The following SRP72 variants were observed in gnomAD, a reference collection of about 807,000 sequenced individuals.
SRP72 encodes the protein signal recognition particle subunit SRP72.
Under a neutral mutation model 96.3 loss-of-function variants are expected in SRP72, and 49 were observed. The observed-to-expected ratio is 0.51, with a 90% CI of 0.40 to 0.65. SRP72 has a LOEUF of 0.65. Ranked by LOEUF, SRP72 falls within the 30% of genes least tolerant of loss-of-function variation. The pLI, the probability that SRP72 is intolerant of heterozygous loss-of-function variation, is 0.00. For synonymous variants in SRP72, 267 were observed against 275.2 expected (o/e 0.97, Z 0.30); for missense variants, 736 against 793.3 (o/e 0.93, Z 0.87).
chr4:56,481,997 C>T (rs1423373231), intron 8 of SRP72, among the ~76,000 whole-genome samples: 1 of 151,398 alleles, frequency 6.6e-6, no homozygotes, highest in African/African-American at 2.4e-5. Flanking sequence ...CTCCTGGCCT[C>T]AGGTGATCCA....
chr4:56,476,302 T>C, intron 5 of SRP72: 1 of 210,166 alleles, frequency 4.8e-6, no homozygotes, highest in South Asian at 8.1e-5. Flanking sequence ...ACAAAAAAAA[T>C]ATTAAAAAAC....
chr4:56,479,146 A>G (rs1720367528), intron 8 of SRP72, among the ~76,000 whole-genome samples: 1 of 152,042 alleles, frequency 6.6e-6, no homozygotes, highest in Admixed American at 6.6e-5. Flanking sequence ...AGAGTACTGT[A>G]CTAATGTCAT....
rs1358087809 is a variant in SRP72, at chr4:56,490,454, G to A, written c.1424+18G>A. The A allele has an allele frequency of 2.5e-6, 4 of 1,610,314 alleles. No individual in the cohort carries two copies. The highest frequency in any genetic ancestry group is 1.7e-5 in the Admixed American group (1 of 59,654). On this transcript the variant is annotated intron_variant, in intron 14 of 18. Transcript: ENST00000642900. ...CTGTGGAAGTAAGCTCTGAAACGTG[G>A]AGTTGTAGAAATAACACATTTATTG...
chr4:56,501,279 G>A (rs567098623), intron 18 of SRP72, among the ~76,000 whole-genome samples: 69 of 152,014 alleles, frequency 4.5e-4, no homozygotes, highest in African/African-American at 1.6e-3. Flanking sequence ...GTGGTAGTGC[G>A]CACCTGTAAT....
chr4:56,484,584 A>C lies in SRP72; in HGVS notation c.958-152A>C, dbSNP rs999749996. On this transcript the variant is annotated intron_variant, in intron 9 of 18. Transcript: ENST00000642900. Reference sequence around the variant, plus strand: ...ATTTTCTTACAAGAAAAAATTGAGAATAGATACTGTAAACTGATTCTCTTA... The same window carrying C: ...ATTTTCTTACAAGAAAAAATTGAGACTAGATACTGTAAACTGATTCTCTTA... 85 of 961,518 alleles carry C rather than the reference A, an allele frequency of 8.8e-5. No homozygotes were observed. In the African/African-American group the frequency reaches 1.1e-3, roughly 13 times the overall value. 59.6% of individuals were successfully genotyped at this position (961,518 alleles called of 1,614,324 possible). A position where few individuals can be genotyped will look rare whatever the true frequency, so the allele number is the denominator to read the frequency against.
At chr4:56,500,501 G>A in intron 17 of SRP72, 35 bp from the exon 18 acceptor site, 2 of 1,596,210 alleles carry the variant, frequency 1.3e-6, no homozygotes, top group Non-Finnish European at 1.7e-6. Flanking sequence ...AAAATATTAT[G>A]ACACATCTCT....
At chr4:56,474,579 T>G in intron 5 of SRP72, 188 bp downstream of exon 5, 2 of 610,960 alleles carry the variant, frequency 3.3e-6, no homozygotes, top group African/African-American at 1.9e-5. Context: ...AATCTTACCC[T>G]GTTGCCCAGG....
In SRP72 at chr4:56,478,572, C is replaced by T. The variant is rs116799047; in HGVS notation, c.768-20C>T. The T allele has an allele frequency of 2.0e-3, 3,155 of 1,613,404 alleles. 63 individuals carry two copies. In the African/African-American group the frequency reaches 0.036, roughly 19 times the overall value. Reference sequence around the variant, plus strand: ...TTTTTAAAGGTTTGTTTGGTTTTGACTGTTGCTTGTTGTTCACAGACCAAC... The same window carrying T: ...TTTTTAAAGGTTTGTTTGGTTTTGATTGTTGCTTGTTGTTCACAGACCAAC... On this transcript the variant is annotated intron_variant, in intron 7 of 18. Transcript: ENST00000642900.
In SRP72 at chr4:56,502,640, C is replaced by T. The variant is rs1225358848; in HGVS notation, c.*779C>T. The T allele has an allele frequency of 6.6e-6, 1 of 151,578 alleles. No individual in the cohort carries two copies. Among genetic ancestry groups the T allele is most frequent in the Non-Finnish European group, 1.5e-5 (1 of 67,906 alleles). The allele number at this position is 151,578 out of a possible 1,614,324, so 9.4% of individuals were successfully genotyped here. ...CAATGTAAGAAGTTCACTCTTAGAC[C>T]CAGTGTTCTGAGGTCACATGGGTTT... On this transcript the variant is annotated 3_prime_UTR_variant, in exon 19 of 19. Coordinates refer to ENST00000642900, the MANE Select transcript of SRP72 (RefSeq NM_006947.4).
rs1720870351 is a variant in SRP72 at position 56,490,551 on chromosome 4, C to T, written c.1425-17C>T. ...GTTTTATAAACAGTTCAATAATTTT[C>T]TTATTTCTTCTTTTAGACAAAATCC... On this transcript the variant is annotated splice_polypyrimidine_tract_variant and intron_variant, in intron 14 of 18. Transcript: ENST00000642900. 1 of 1,611,014 alleles carries T rather than the reference C, an allele frequency of 6.2e-7. No individual in the cohort carries two copies. Among genetic ancestry groups the T allele is most frequent in the Non-Finnish European group, 8.5e-7 (1 of 1,178,584 alleles).
At position 56,502,477 on chromosome 4, in the gene SRP72, A is replaced by ATATATG. The variant is rs1342541977; in HGVS notation, c.*622_*627dup. 9.8e-6 allele frequency: 1 copy of ATATATG among 102,522 alleles called. No homozygotes were observed. Among genetic ancestry groups the ATATATG allele is most frequent in the Non-Finnish European group, 1.8e-5 (1 of 54,850 alleles). The allele number at this position is 102,522 out of a possible 1,614,324, so 6.4% of individuals were successfully genotyped here. ...ATACTTTTCATGTTTATATATATAT[A>ATATATG]TATATGTATATATATATACATATAT... On this transcript the variant is annotated 3_prime_UTR_variant, in exon 19 of 19. Transcript: ENST00000642900.
At chr4:56,474,536 C>T in intron 5 of SRP72, 145 bp downstream of exon 5, 1 of 737,200 alleles carries the variant, frequency 1.4e-6, no homozygotes. Context: ...TGTCGTCTTT[C>T]TCTCTCTTTT....
Position 56,502,554 on chromosome 4 carries a change from C to G in SRP72, c.*693C>G, listed in dbSNP as rs1433888021. On this transcript the variant is annotated 3_prime_UTR_variant, in exon 19 of 19. Transcript: ENST00000642900. ...TATATGGCTCCTTTGTGCCCCATGTCATTTTCAGATTATGGTAGCATGCTG... is the reference window on the plus strand; with the variant it reads ...TATATGGCTCCTTTGTGCCCCATGTGATTTTCAGATTATGGTAGCATGCTG... 2.0e-5 allele frequency: 3 copies of G among 146,860 alleles called. No homozygotes were observed. The highest frequency in any genetic ancestry group is 5.0e-5 in the African/African-American group (2 of 39,952). 9.1% of individuals were successfully genotyped at this position (146,860 alleles called of 1,614,324 possible).
At position 56,469,686 on chromosome 4, in the gene SRP72, T is replaced by G. The variant is rs1719886573; in HGVS notation, c.143T>G (p.Leu48Arg). The change falls in exon 2 of 19, where the codon CTG becomes CGG. Residue 48 changes from leucine to arginine, a missense_variant. Around this residue, in one of 3 missense-constraint regions of SRP72, gnomAD observed 329 missense variants for 319.0 expected, o/e 1.03. Transcript: ENST00000642900. ...ATCAACAAAGATGACGTAACTGCCC[T>G]GCATTGTAAAGTGGTATGCCTTATC... ...LQINKDDVTA[L>R]HCKVVCLIQN... The G allele has an allele frequency of 6.2e-7, 1 of 1,611,638 alleles. No individual in the cohort carries two copies. Among genetic ancestry groups the G allele is most frequent in the Middle Eastern group, 1.7e-4 (1 of 6,044 alleles).
In SRP72 at chr4:56,498,851, T is replaced by TTATAGATTC. The variant is rs568827336; in HGVS notation, c.1679-1684_1679-1676dup. On this transcript the variant is annotated intron_variant, in intron 17 of 18. Transcript: ENST00000642900. ...AAATGGCCATACTGCCTAAAGTAATTTATAGATTCAATGCTATCTCCATCA... is the reference window on the plus strand; with the variant it reads ...AAATGGCCATACTGCCTAAAGTAATTTATAGATTCTATAGATTCAATGCTATCTCCATCA... Among the ~76,000 whole-genome samples the TTATAGATTC allele has an allele frequency of 4.4e-3, 675 of 152,242 alleles. 6 individuals are homozygous for TTATAGATTC. The highest frequency in any genetic ancestry group is 0.016 in the African/African-American group (649 of 41,542).
At chr4:56,484,672 G>T in intron 9 of SRP72, 64 bp from the exon 10 acceptor site, 1 of 1,592,160 alleles carries the variant, frequency 6.3e-7, no homozygotes, top group Non-Finnish European at 8.6e-7. Flanking sequence ...TTTTCTTTCT[G>T]GTCATTTAGT....
chr4:56,496,930 A>G (rs1013198060), intron 17 of SRP72, among the ~76,000 whole-genome samples: 2 of 152,292 alleles, frequency 1.3e-5, no homozygotes, highest in Admixed American at 1.3e-4. Context: ...CCAAGGTTGC[A>G]GTGAGTTGAG....
chr4:56,490,201 A>T, intron 13 of SRP72, 132 bp from the exon 14 acceptor site: 1 of 656,226 alleles, frequency 1.5e-6, no homozygotes, highest in Non-Finnish European at 2.6e-6. Context: ...TTGTTGTTTC[A>T]GGCATTCAGT....
chr4:56,485,399 G>GC (rs200239269), intron 10 of SRP72, among the ~76,000 whole-genome samples: 9,763 of 80,176 alleles, frequency 0.12, 392 homozygotes, highest in Middle Eastern at 0.22. Context: ...TCTCCCCACA[G>GC]CAAAAAAAAA....
Sources: allele counts gnomAD v4.1 joint callset (sites outside exome capture counted in the v4.1 genomes callset), GRCh38; gene constraint gnomAD v4.1.1; regional missense constraint gnomAD v4.1.1; transcripts MANE v1.5; gene names NCBI Gene and HGNC (gene_info 2026-07-23, HGNC 2026-07-21).